CCDC154: variants seen among roughly 807,000 people sequenced by gnomAD.
CCDC154 encodes the protein coiled-coil domain-containing protein 154.
Under a neutral mutation model 87.5 loss-of-function variants are expected in CCDC154, and 91 were observed. The ratio of observed to expected loss-of-function variants is 1.04; its 90% CI spans 0.88 to 1.24. The LOEUF is 1.24. Ranked by LOEUF, CCDC154 falls within the 50% of genes most tolerant of loss-of-function variation. CCDC154 has a pLI of 0.00. For synonymous variants in CCDC154, 418 were observed against 400.4 expected (o/e 1.04, Z -0.52); for missense variants, 903 against 879.2 (o/e 1.03, Z -0.34).
chr16:1,441,043 TG>T (rs1012986024), intron 6 of CCDC154, among the ~76,000 whole-genome samples: 1 of 151,800 alleles, frequency 6.6e-6, no homozygotes, highest in Non-Finnish European at 1.5e-5. Flanking sequence ...CACTTGAGCC[TG>T]GGGGGTTGAG....
At chr16:1,440,950 T>TAA (rs35719330) in intron 6 of CCDC154, among the ~76,000 whole-genome samples, 4 of 132,116 alleles carry the variant, frequency 3.0e-5, no homozygotes, top group African/African-American at 5.6e-5. Flanking sequence ...GACTCCGTCT[T>TAA]AAAAAAAAAA....
In CCDC154 at chr16:1,443,848, C is replaced by A. The variant is rs1291175536; in HGVS notation, c.172G>T (p.Ala58Ser). 7.7e-7 allele frequency: 1 copy of A among 1,304,270 alleles called. No individual in the cohort carries two copies. Among genetic ancestry groups the A allele is most frequent in the African/African-American group, 1.5e-5 (1 of 65,892 alleles). The allele number at this position is 1,304,270 out of a possible 1,614,324, so 80.8% of individuals were successfully genotyped here. A position where few individuals can be genotyped will look rare whatever the true frequency, so the allele number is the denominator to read the frequency against. Reference protein sequence around the residue: ...RYESSHPTSTASVPEQDTAKH... With the variant: ...RYESSHPTSTSSVPEQDTAKH... ...GCGGTGTCCTGCTCGGGGACAGAGG[C>A]CGTGGATGTCGGATGGCTGGACTCA... is the stretch of plus-strand genomic sequence containing the variant. Residue 58 changes from alanine (A) to serine (S), a missense_variant, in exon 2 of 17, where the codon GCC becomes TCC. Transcript: ENST00000389176.
intron 6 of CCDC154, among the ~76,000 whole-genome samples, chr16:1,440,188 G>A (rs985834514): frequency 1.4e-5 from 2 of 142,698 alleles, no homozygotes; most frequent in East Asian, 2.1e-4. Flanking sequence ...GGTGGCTCAC[G>A]CCTGAAATCC....
chr16:1,444,306 C>A lies in CCDC154; in HGVS notation c.7+10G>T. On this transcript the variant is annotated intron_variant, in intron 1 of 16. Coordinates refer to ENST00000389176, the MANE Select transcript of CCDC154 (RefSeq NM_001143980.3). ...CCCCTCCCTGGGCCCCGCTCCTCCG[C>A]TCTGGTCACCTGACATGGCTGCTGG... The A allele has an allele frequency of 7.7e-7, 1 of 1,302,386 alleles. No individual in the cohort carries two copies. Among genetic ancestry groups the A allele is most frequent in the Non-Finnish European group, 1.0e-6 (1 of 988,872 alleles). The allele number at this position is 1,302,386 out of a possible 1,614,324, so 80.7% of individuals were successfully genotyped here.
At chr16:1,444,161 G>T in intron 1 of CCDC154, 149 bp from the exon 2 acceptor site, 2 of 1,026,666 alleles carry the variant, frequency 1.9e-6, no homozygotes, top group Non-Finnish European at 2.6e-6. Flanking sequence ...AGACGGGCTT[G>T]GCTCAGACAA....
At chr16:1,434,963 AC>A in intron 15 of CCDC154, 111 bp from the exon 16 acceptor site, 1 of 1,413,228 alleles carries the variant, frequency 7.1e-7, no homozygotes, top group Non-Finnish European at 9.4e-7. Flanking sequence ...CTTCAGGGAA[AC>A]CCTGCCCATG....
chr16:1,435,137 C>A lies in CCDC154; in HGVS notation c.1644G>T (p.Gln548His), dbSNP rs370066683. 1.3e-4 allele frequency: 207 copies of A among 1,550,462 alleles called. 2 individuals carry two copies. The East Asian group carries it at 4.6e-3, about 34-fold the overall frequency. The stretch of plus-strand genomic sequence containing the variant: ...TGAGGTTCTGGATGGTCTTGTTGGC[C>A]TGGACGCAGTTTTCCAGCTTCATTA... ...NQIMKLENCV[Q>H]ANKTIQNLRF... The change falls in exon 15 of 17, where the codon CAG becomes CAT. Residue 548 changes from glutamine to histidine, a missense_variant. Transcript: ENST00000389176.
intron 11 of CCDC154, chr16:1,437,062 G>A (rs1343946796): frequency 1.9e-6 from 1 of 534,808 alleles, no homozygotes; most frequent in Non-Finnish European, 3.3e-6. Context: ...GCCCGAGGGA[G>A]GCAGGGCAGG....
intron 5 of CCDC154, 91 bp from the exon 6 acceptor site, chr16:1,442,620 T>G (rs946092753): frequency 7.3e-7 from 1 of 1,376,458 alleles, no homozygotes; most frequent in Non-Finnish European, 9.6e-7. Context: ...GCAGGAGGTG[T>G]ACGACCCCCG....
rs1038876513 is a variant in CCDC154 at position 1,436,008 on chromosome 16, A to G, written c.1566T>C (p.Pro522=). 6.5e-7 allele frequency: 1 copy of G among 1,550,070 alleles called. No homozygotes were observed. Among genetic ancestry groups the G allele is most frequent in the Non-Finnish European group, 8.7e-7 (1 of 1,146,824 alleles). The change falls in exon 14 of 17, where the codon CCT becomes CCC. Residue 522 remains proline (P), a synonymous_variant. Coordinates refer to ENST00000389176, the MANE Select transcript of CCDC154 (RefSeq NM_001143980.3). ...CCTGCATCTCCGCGATCTTCCGCCC[A>G]GGGTTGTCTTCCTTTAGCAGCTGCA... ...SSVQLLKEDN[P]GRKIAEMQGK...
chr16:1,442,327 G>C, intron 6 of CCDC154, 79 bp downstream of exon 6: 1 of 1,422,634 alleles, frequency 7.0e-7, no homozygotes, highest in South Asian at 1.5e-5. Flanking sequence ...CCGCTGTATC[G>C]GATGGCACAG....
intron 1 of CCDC154, 93 bp from the exon 2 acceptor site, chr16:1,444,105 C>A: frequency 9.2e-7 from 1 of 1,091,890 alleles, no homozygotes; most frequent in Non-Finnish European, 1.2e-6. Flanking sequence ...AGGACCCTCG[C>A]CCACCACCCA....
At chr16:1,443,743 C>CGGA (rs1567260010) in intron 2 of CCDC154, 48 bp from the exon 3 acceptor site, 4 of 1,302,482 alleles carry the variant, frequency 3.1e-6, no homozygotes, top group Non-Finnish European at 4.0e-6. Flanking sequence ...GCCGTGGAGG[C>CGGA]GGAGGCGGCG....
rs940996732 is a variant in CCDC154 at position 1,443,545 on chromosome 16, C to T, written c.375G>A (p.Ala125=). The T allele has an allele frequency of 1.9e-5, 28 of 1,477,134 alleles. No individual in the cohort carries two copies. The East Asian group carries it at 4.9e-4, about 26-fold the overall frequency. 91.5% of individuals were successfully genotyped at this position (1,477,134 alleles called of 1,614,324 possible). ...GSELRQLQQE[A]RPAAQAPEKE... ...TTTCGGGGGCCTGGGCTGCCGGCCGCGCCTCCTGCTGCAACTGCCTCAGCT... is the reference window on the plus strand; with the variant it reads ...TTTCGGGGGCCTGGGCTGCCGGCCGTGCCTCCTGCTGCAACTGCCTCAGCT... The change falls in exon 3 of 17, where the codon GCG becomes GCA. Residue 125 remains alanine, a synonymous_variant. Coordinates refer to ENST00000389176, the MANE Select transcript of CCDC154 (RefSeq NM_001143980.3).
intron 6 of CCDC154, among the ~76,000 whole-genome samples, chr16:1,441,084 G>C (rs1028703116): frequency 3.9e-5 from 6 of 152,132 alleles, no homozygotes; most frequent in African/African-American, 1.4e-4. Flanking sequence ...GCACCACCAC[G>C]CTCCAGCCTG....
At position 1,439,073 on chromosome 16, in the gene CCDC154, C is replaced by G; in HGVS notation, c.729G>C (p.Glu243Asp). The G allele has an allele frequency of 3.9e-6, 6 of 1,550,292 alleles. No homozygotes were observed. Among genetic ancestry groups the G allele is most frequent in the Non-Finnish European group, 5.2e-6 (6 of 1,146,914 alleles). The stretch of plus-strand genomic sequence containing the variant: ...TCTGCAGGAAGCCGCACAGCTTGGC[C>G]TCCCTCTTCAGGAAGCGCAGGCTCA... ...EEVSLRFLKR[E>D]AKLCGFLQKS... Residue 243 changes from glutamate to aspartate, a missense_variant, in exon 7 of 17, where the codon GAG becomes GAC. Glu to Asp is a conservative substitution (Grantham distance 45, BLOSUM62 2). Transcript: ENST00000389176.
Position 1,436,078 on chromosome 16 carries a change from T to C in CCDC154, c.1496A>G (p.Lys499Arg). ...CAGCTCCTGCCGCAGGGCCCCAACCTTGAACTCCCTATGGGCACCAGAGGC... is the reference window on the plus strand; with the variant it reads ...CAGCTCCTGCCGCAGGGCCCCAACCCTGAACTCCCTATGGGCACCAGAGGC... ...ISAEGKAREF[K>R]VGALRQELAT... The change falls in exon 14 of 17, where the codon AAG (lysine) becomes AGG (arginine). Residue 499 changes from lysine to arginine, a missense_variant. By Grantham distance (26) the Lys-to-Arg change is conservative (BLOSUM62 2). Transcript: ENST00000389176. 1.3e-6 allele frequency: 2 copies of C among 1,550,100 alleles called. No homozygotes were observed. Among genetic ancestry groups the C allele is most frequent in the Non-Finnish European group, 8.7e-7 (1 of 1,146,802 alleles).
chr16:1,443,299 G>C lies in CCDC154; in HGVS notation c.417C>G (p.Phe139Leu). The change falls in exon 4 of 17, where the codon TTC becomes TTG. Residue 139 changes from phenylalanine (F) to leucine (L), a missense_variant and splice_region_variant. Physicochemically the swap from Phe to Leu is conservative, Grantham distance 22. Transcript: ENST00000389176. ...CCTGCATCTGGTTCTGGAGACCAGA[G>C]AACTGCGAGGAGGAAGAGGAGGCTG... ...AQAPEKEAPE[F>L]SGLQNQMQAL... The C allele has an allele frequency of 6.5e-7, 1 of 1,548,826 alleles. No individual in the cohort carries two copies. Among genetic ancestry groups the C allele is most frequent in the Non-Finnish European group, 8.7e-7 (1 of 1,146,404 alleles).
At chr16:1,436,412 C>T (rs1012390051) in intron 13 of CCDC154, 33 bp downstream of exon 13, 14 of 1,512,660 alleles carry the variant, frequency 9.3e-6, no homozygotes, top group Non-Finnish European at 1.3e-5. Context: ...TCAGCAGAGC[C>T]CCTGCCCCTC....
Sources: allele counts gnomAD v4.1 joint callset (sites outside exome capture counted in the v4.1 genomes callset), GRCh38; gene constraint gnomAD v4.1.1; transcripts MANE v1.5; gene names NCBI Gene and HGNC (gene_info 2026-07-23, HGNC 2026-07-21).